Variants in CALCR observed in about 807,000 individuals in gnomAD.
CALCR encodes the protein calcitonin receptor.
CALCR carries 47 observed loss-of-function variants against 59.5 expected under a neutral mutation model. That is an observed-to-expected ratio of 0.79 (90% CI 0.63 to 1.01). The LOEUF (loss-of-function observed/expected upper bound fraction) is 1.01. Among genes scored for constraint, CALCR ranks in the 50% least tolerant of loss-of-function variants. CALCR has a pLI of 0.00. For synonymous variants in CALCR, 213 were observed against 211.3 expected, an observed-to-expected ratio of 1.01 and a Z score of -0.07; for missense variants, 566 against 597.1, an observed-to-expected ratio of 0.95 and a Z score of 0.54.
chr7:93,554,190 G>A (rs1224398744), intron 2 of CALCR, among the ~76,000 whole-genome samples: 3 of 152,076 alleles, frequency 2.0e-5, no homozygotes, highest in Non-Finnish European at 4.4e-5. Flanking sequence ...TTTTTTATAT[G>A]AGAAGTTGTA....
chr7:93,463,000 T>C (rs993236066), intron 7 of CALCR, among the ~76,000 whole-genome samples: 2 of 134,186 alleles, frequency 1.5e-5, no homozygotes, highest in Non-Finnish European at 3.0e-5. Flanking sequence ...TTAATACCCA[T>C]TTTTTTTTAA....
rs201304031 is a variant in CALCR, at chr7:93,454,397, G to A, written c.648+6424C>T. On this transcript the variant is annotated intron_variant, in intron 8 of 13. Transcript: ENST00000426151. The stretch of plus-strand genomic sequence containing the variant: ...TAAGAGGCTATAGAAAATAGGACTC[G>A]ATTGTTTCAGTTTCTGAGGTGCAAA... Among the ~76,000 whole-genome samples the A allele has an allele frequency of 7.5e-4, 114 of 152,060 alleles. 1 individual carries two copies. The East Asian group carries it at 0.014, about 18-fold the overall frequency.
At chr7:93,440,461 T>C (rs1446454422) in intron 9 of CALCR, among the ~76,000 whole-genome samples, 3 of 152,078 alleles carry the variant, frequency 2.0e-5, no homozygotes, top group Admixed American at 1.3e-4. Flanking sequence ...CTTTAAAATA[T>C]GTCAATTTTG....
intron 2 of CALCR, among the ~76,000 whole-genome samples, chr7:93,488,584 A>AAAAAAG: frequency 7.5e-6 from 1 of 134,038 alleles, no homozygotes; most frequent in Admixed American, 7.2e-5. Flanking sequence ...AATGGAAAGA[A>AAAAAAG]AAAAAAAAAA....
At position 93,574,468 on chromosome 7, in the gene CALCR, C is replaced by T. The variant is rs1343062453; in HGVS notation, c.-206G>A. ...CCAACCCGGGAAGGTCCGCCAGCCG[C>T]GCGGCGCAGCCCACCCAGACGCTGG... On this transcript the variant is annotated 5_prime_UTR_variant, in exon 2 of 14. Coordinates refer to ENST00000426151, the MANE Select transcript of CALCR (RefSeq NM_001742.4). 1.3e-5 allele frequency: 2 copies of T among 152,172 alleles called. No homozygotes were observed. Among genetic ancestry groups the T allele is most frequent in the Admixed American group, 6.5e-5 (1 of 15,286 alleles). The allele number at this position is 152,172 out of a possible 1,614,324, so 9.4% of individuals were successfully genotyped here.
chr7:93,559,307 C>T (rs1452169999), intron 2 of CALCR, among the ~76,000 whole-genome samples: 1 of 152,128 alleles, frequency 6.6e-6, no homozygotes, highest in South Asian at 2.1e-4. Flanking sequence ...TTTTCCACCC[C>T]CTCCCCTCAG....
intron 2 of CALCR, among the ~76,000 whole-genome samples, chr7:93,564,460 TA>T (rs899378626): frequency 1.4e-3 from 202 of 145,928 alleles, no homozygotes; most frequent in Admixed American, 1.4e-3. Context: ...ACTACACTTT[TA>T]AAAAAAAAAA....
At chr7:93,495,067 C>T (rs1354295207) in intron 2 of CALCR, among the ~76,000 whole-genome samples, 1 of 151,284 alleles carries the variant, frequency 6.6e-6, no homozygotes, top group Non-Finnish European at 1.5e-5. Flanking sequence ...GTTCAGTGAC[C>T]TTCAGGAGAA....
rs1382802867 is a variant in CALCR at position 93,425,941 on chromosome 7, A to C, written c.*415T>G. On this transcript the variant is annotated 3_prime_UTR_variant, in exon 14 of 14. Transcript: ENST00000426151. ...AAATTAAAAATCAGATCCATAGCCA[A>C]ATACAGAAATAATCTAATTCAAAAT... 1 of 156,136 alleles carries C rather than the reference A, an allele frequency of 6.4e-6. No individual in the cohort carries two copies. Among genetic ancestry groups the C allele is most frequent in the Non-Finnish European group, 1.4e-5 (1 of 70,560 alleles). 9.7% of individuals were successfully genotyped at this position (156,136 alleles called of 1,614,324 possible). A position where few individuals can be genotyped will look rare whatever the true frequency, so the allele number is the denominator to read the frequency against.
intron 2 of CALCR, among the ~76,000 whole-genome samples, chr7:93,550,348 G>A (rs10245680): frequency 0.011 from 1,595 of 151,508 alleles, 22 homozygotes; most frequent in African/African-American, 0.036. Context: ...AAAATTAGCC[G>A]GGCCTGGTGG....
At chr7:93,550,319 G>A (rs1448896436) in intron 2 of CALCR, among the ~76,000 whole-genome samples, 8 of 151,242 alleles carry the variant, frequency 5.3e-5, no homozygotes, top group Admixed American at 6.6e-5. Flanking sequence ...GTGAAATCCC[G>A]TCTCTGCTAA....
In CALCR at chr7:93,436,155, A is replaced by G. The variant is rs200463057; in HGVS notation, c.946T>C (p.Leu316=). 6.2e-7 allele frequency: 1 copy of G among 1,614,096 alleles called. No homozygotes were observed. Among genetic ancestry groups the G allele is most frequent in the African/African-American group, 1.3e-5 (1 of 75,060 alleles). ...ACAAGCACCCGGACAATGTTGAGCAAAAAGAAGAAATTGACCTGCAAATAT... is the reference window on the plus strand; with the variant it reads ...ACAAGCACCCGGACAATGTTGAGCAGAAAGAAGAAATTGACCTGCAAATAT... ...MAALVVNFFF[L]LNIVRVLVTK... The change falls in exon 12 of 14, where the codon TTG becomes CTG. Residue 316 remains leucine, a synonymous_variant. Transcript: ENST00000426151.
intron 13 of CALCR, among the ~76,000 whole-genome samples, chr7:93,431,270 C>T (rs1446570769): frequency 6.6e-6 from 1 of 152,148 alleles, no homozygotes; most frequent in Non-Finnish European, 1.5e-5. Flanking sequence ...TCAAGTTTTT[C>T]TTTTTGTTTC....
chr7:93,518,183 A>T (rs959181981), intron 2 of CALCR, among the ~76,000 whole-genome samples: 5 of 151,648 alleles, frequency 3.3e-5, no homozygotes, highest in Non-Finnish European at 5.9e-5. Context: ...TTCTGGCAAG[A>T]TAGGAATTTA....
At chr7:93,513,583 C>T (rs909500981) in intron 2 of CALCR, among the ~76,000 whole-genome samples, 8 of 151,880 alleles carry the variant, frequency 5.3e-5, no homozygotes, top group Admixed American at 2.6e-4. Flanking sequence ...CAGATGGCAT[C>T]GTGGAATGAG....
intron 8 of CALCR, among the ~76,000 whole-genome samples, chr7:93,455,137 C>A (rs1252554436): frequency 6.6e-6 from 1 of 151,864 alleles, no homozygotes; most frequent in Non-Finnish European, 1.5e-5. Context: ...TGAAAACAAA[C>A]AAACAACAAC....
At chr7:93,479,070 C>T (rs1488931514) in intron 4 of CALCR, among the ~76,000 whole-genome samples, 1 of 151,846 alleles carries the variant, frequency 6.6e-6, no homozygotes, top group African/African-American at 2.4e-5. Context: ...TACATCCCCT[C>T]CCTCACTCGG....
In CALCR at chr7:93,434,147, G is replaced by A. The variant is rs149414126; in HGVS notation, c.1191+106C>T. Reference sequence around the variant, plus strand: ...TGTTGCTAATCACAAAACCCTATGAGGTCAACTGTAGAAGTGAGATGAAAT... The same window carrying A: ...TGTTGCTAATCACAAAACCCTATGAAGTCAACTGTAGAAGTGAGATGAAAT... On this transcript the variant is annotated intron_variant, in intron 13 of 13. Transcript: ENST00000426151. 6.7e-5 allele frequency: 54 copies of A among 804,742 alleles called. No homozygotes were observed. In the African/African-American group the frequency reaches 7.8e-4, roughly 12 times the overall value. 49.9% of individuals were successfully genotyped at this position (804,742 alleles called of 1,614,324 possible).
intron 2 of CALCR, among the ~76,000 whole-genome samples, chr7:93,533,012 A>T (rs977725190): frequency 6.6e-6 from 1 of 151,964 alleles, no homozygotes; most frequent in African/African-American, 2.4e-5. Context: ...TTCTCTAAAA[A>T]TAACCTGAAG....
Sources: allele counts gnomAD v4.1 joint callset (sites outside exome capture counted in the v4.1 genomes callset), GRCh38; gene constraint gnomAD v4.1.1; transcripts MANE v1.5; gene names NCBI Gene and HGNC (gene_info 2026-07-23, HGNC 2026-07-21).